The following NEK10 variants were observed in gnomAD, a reference collection of about 807,000 sequenced individuals.
NEK10 encodes the protein NIMA related kinase 10, also known as serine/threonine-protein kinase Nek10.
NEK10 carries 122 observed loss-of-function variants against 159.8 expected under a neutral mutation model. The observed-to-expected ratio is 0.76, with a 90% CI of 0.66 to 0.89. The LOEUF (loss-of-function observed/expected upper bound fraction) is 0.89. NEK10 is among the 40% of genes least tolerant of loss of function. The pLI, the probability that NEK10 is intolerant of heterozygous loss-of-function variation, is 0.00. For missense variants in NEK10, 1,342 were observed against 1,323.1 expected (o/e 1.01, Z -0.22); for synonymous variants, 466 against 457.1 (o/e 1.02, Z -0.25).
chr3:27,291,643 T>C (rs1282809962), intron 16 of NEK10, 57 bp from the exon 17 acceptor site: 1 of 1,002,728 alleles, frequency 1.0e-6, no homozygotes, highest in Non-Finnish European at 1.6e-6. Context: ...GATCATTACT[T>C]CCCTTTTTTA....
chr3:27,261,136 C>A (rs1201083909), intron 22 of NEK10, among the ~76,000 whole-genome samples: 1 of 152,142 alleles, frequency 6.6e-6, no homozygotes, highest in Non-Finnish European at 1.5e-5. Flanking sequence ...GTCTTGCTAG[C>A]AGTCCATCAA....
At chr3:27,141,636 G>A in intron 30 of NEK10, 54 bp from the exon 31 acceptor site, 3 of 1,362,266 alleles carry the variant, frequency 2.2e-6, no homozygotes, top group East Asian at 4.6e-5. Flanking sequence ...AGTTACATTA[G>A]TGAAAAAATG....
chr3:27,352,915 C>T lies in NEK10; in HGVS notation c.-33G>A. The T allele has an allele frequency of 6.6e-7, 1 of 1,511,090 alleles. No homozygotes were observed. The highest frequency in any genetic ancestry group is 1.1e-5 in the South Asian group (1 of 88,060). 93.6% of individuals were successfully genotyped at this position (1,511,090 alleles called of 1,614,324 possible). The stretch of plus-strand genomic sequence containing the variant: ...CATCAATGCCCCAGAATTAACATCG[C>T]ATTCCTTTAAAATTAAACCAGAGGG... On this transcript the variant is annotated 5_prime_UTR_variant, in exon 2 of 36. It removes an upstream start codon present in the reference 5' UTR. Transcript: ENST00000691995.
chr3:27,270,515 G>A (rs1372350967), intron 22 of NEK10, among the ~76,000 whole-genome samples: 2 of 152,042 alleles, frequency 1.3e-5, no homozygotes, highest in African/African-American at 4.8e-5. Flanking sequence ...ATAAATATTT[G>A]TTATTTTAAC....
chr3:27,174,995 A>G (rs1430500791), intron 26 of NEK10, among the ~76,000 whole-genome samples, 162 bp from the exon 27 acceptor site: 1 of 152,224 alleles, frequency 6.6e-6, no homozygotes, highest in East Asian at 1.9e-4. Flanking sequence ...TACAGAATCT[A>G]TTCAGTCCAT....
chr3:27,329,750 C>A lies in NEK10; in HGVS notation c.363-7489G>T, dbSNP rs547721341. ...TTGATTAGTAAAGAACAAGGGAATC[C>A]GTGAGGCATTAGAGAAAAGAGTACC... is the stretch of plus-strand genomic sequence containing the variant. On this transcript the variant is annotated intron_variant, in intron 5 of 35. Coordinates refer to ENST00000691995, the MANE Select transcript of NEK10 (RefSeq NM_001394966.1). 3.3e-5 allele frequency among the ~76,000 whole-genome samples: 5 copies of A among 152,266 alleles called. No individual in the cohort carries two copies. In the South Asian group the frequency reaches 1.0e-3, roughly 32 times the overall value.
intron 27 of NEK10, 27 bp from the exon 28 acceptor site, chr3:27,174,552 A>T (rs781652556): frequency 6.2e-7 from 1 of 1,601,746 alleles, no homozygotes; most frequent in East Asian, 2.2e-5. Flanking sequence ...ACAATAAAAA[A>T]GCAAATGAGT....
chr3:27,201,983 A>T (rs1443149690), intron 24 of NEK10, among the ~76,000 whole-genome samples: 1 of 143,782 alleles, frequency 7.0e-6, no homozygotes, highest in Non-Finnish European at 1.5e-5. Context: ...ACATGGTGAA[A>T]CCTAAAAAAA....
At chr3:27,151,197 C>A (rs1559518808) in intron 30 of NEK10, among the ~76,000 whole-genome samples, 1 of 152,144 alleles carries the variant, frequency 6.6e-6, no homozygotes, top group African/African-American at 2.4e-5. Flanking sequence ...AGGAGGCCAA[C>A]CAGCACAAAA....
intron 23 of NEK10, chr3:27,215,104 A>G (rs1194643757): frequency 1.7e-5 from 8 of 458,198 alleles, no homozygotes; most frequent in Non-Finnish European, 3.2e-5. Context: ...TTTTCTTTAA[A>G]AGCATTACCC....
intron 4 of NEK10, among the ~76,000 whole-genome samples, chr3:27,345,479 C>A (rs1372282825): frequency 1.3e-5 from 2 of 152,126 alleles, no homozygotes; most frequent in African/African-American, 4.8e-5. Flanking sequence ...CTAGAATATT[C>A]ATATTGATAT....
intron 23 of NEK10, among the ~76,000 whole-genome samples, chr3:27,248,390 T>C (rs1360046598): frequency 6.6e-6 from 1 of 152,132 alleles, no homozygotes; most frequent in Non-Finnish European, 1.5e-5. Context: ...ATTACTTTTC[T>C]TCTACTAATT....
chr3:27,192,723 T>TA (rs1949227247), intron 25 of NEK10, among the ~76,000 whole-genome samples: 1 of 152,006 alleles, frequency 6.6e-6, no homozygotes, highest in African/African-American at 2.4e-5. Flanking sequence ...TGAACTTTTT[T>TA]AAAAATAAAA....
intron 23 of NEK10, chr3:27,253,060 C>T (rs936590230): frequency 8.4e-5 from 30 of 358,898 alleles, no homozygotes; most frequent in Admixed American, 1.4e-4. Flanking sequence ...GCATGCTTCA[C>T]TTTGTCTCTA....
chr3:27,341,189 A>G lies in NEK10; in HGVS notation c.362+3083T>C, dbSNP rs371464843. 3.9e-5 allele frequency among the ~76,000 whole-genome samples: 6 copies of G among 152,306 alleles called. No individual in the cohort carries two copies. The East Asian group carries it at 1.2e-3, about 29-fold the overall frequency. On this transcript the variant is annotated intron_variant, in intron 5 of 35. Coordinates refer to ENST00000691995, the MANE Select transcript of NEK10 (RefSeq NM_001394966.1). ...TAGAGAGTAGAATAATAGATACCAGAGTCCAGGAAGGGTGGGTGAGTGCAA... is the reference window on the plus strand; with the variant it reads ...TAGAGAGTAGAATAATAGATACCAGGGTCCAGGAAGGGTGGGTGAGTGCAA...
At chr3:27,190,704 G>A (rs1481440655) in intron 26 of NEK10, among the ~76,000 whole-genome samples, 1 of 152,036 alleles carries the variant, frequency 6.6e-6, no homozygotes, top group African/African-American at 2.4e-5. Flanking sequence ...AATAATAGAA[G>A]GCCCCAAATA....
chr3:27,315,917 C>T (rs1238824042), intron 6 of NEK10, among the ~76,000 whole-genome samples: 2 of 152,046 alleles, frequency 1.3e-5, no homozygotes, highest in African/African-American at 2.4e-5. Flanking sequence ...AAGTAAAGAT[C>T]GGGAAGAGGT....
At chr3:27,258,339 T>C (rs10154862) in intron 22 of NEK10, among the ~76,000 whole-genome samples, 1 of 151,706 alleles carries the variant, frequency 6.6e-6, no homozygotes, top group Non-Finnish European at 1.5e-5. Context: ...CATTTAACAT[T>C]AGGTATATCT....
intron 30 of NEK10, among the ~76,000 whole-genome samples, chr3:27,146,851 A>G (rs1018744851): frequency 6.6e-6 from 1 of 152,230 alleles, no homozygotes; most frequent in African/African-American, 2.4e-5. Context: ...GAATAATTCC[A>G]GCAAAGAGTG....
Sources: gnomAD v4.1 joint callset for allele counts (sites outside exome capture counted in the v4.1 genomes callset) on GRCh38, gnomAD v4.1.1 for gene constraint, MANE v1.5 for transcripts, NCBI Gene and HGNC (gene_info 2026-07-23, HGNC 2026-07-21) for gene names.